Variants in LCK observed in about 807,000 individuals in gnomAD.
LCK encodes the protein tyrosine-protein kinase Lck.
LCK carries 14 observed loss-of-function variants against 64.6 expected under a neutral mutation model. That is an observed-to-expected ratio of 0.22 (90% CI 0.14 to 0.34). The LOEUF (loss-of-function observed/expected upper bound fraction) is 0.34, where lower values mean the gene tolerates loss of function less well. Among genes scored for constraint, LCK ranks in the 10% least tolerant of loss-of-function variants. LCK has a pLI of 1.00. For synonymous variants in LCK, 277 were observed against 263.6 expected, an observed-to-expected ratio of 1.05 and a Z score of -0.49; for missense variants, 434 against 668.1, an observed-to-expected ratio of 0.65 and a Z score of 3.86.
At chr1:32,281,654 A>G (rs1640463615) in intron 12 of LCK, among the ~76,000 whole-genome samples, 1 of 152,062 alleles carries the variant, frequency 6.6e-6, no homozygotes, top group Non-Finnish European at 1.5e-5. Flanking sequence ...CTCTGGGGAA[A>G]GGAAATGGAG....
Position 32,276,654 on chromosome 1 carries a change from G to A in LCK, c.832G>A (p.Gly278Ser). ...GGTGGCGGTGAAGAGCCTGAAGCAG[G>A]GCAGCATGTCCCCGGACGCCTTCCT... ...TKVAVKSLKQGSMSPDAFLAE... is the reference protein window; with the variant it reads ...TKVAVKSLKQSSMSPDAFLAE... The change falls in exon 9 of 13, where the codon GGC becomes AGC. Residue 278 changes from glycine (G) to serine (S), a missense_variant. Physicochemically the swap from Gly to Ser is moderately conservative, Grantham distance 56. This residue lies in a region of LCK where 201 missense variants were observed against 376.9 expected (regional missense o/e 0.53). Coordinates refer to ENST00000336890, the MANE Select transcript of LCK (RefSeq NM_005356.5). This position sits in a 1 kb window ranked among gnomAD's most constrained non-coding sequence, Gnocchi z 4.6. 1.2e-6 allele frequency: 2 copies of A among 1,613,992 alleles called. No individual in the cohort carries two copies. The highest frequency in any genetic ancestry group is 4.5e-5 in the East Asian group (2 of 44,878).
At chr1:32,280,263 C>CA in intron 12 of LCK, 53 bp downstream of exon 12, 3 of 1,603,556 alleles carry the variant, frequency 1.9e-6, no homozygotes, top group Non-Finnish European at 2.6e-6. Context: ...AAGTCCATGT[C>CA]TTCCCATTCA....
intron 1 of LCK, among the ~76,000 whole-genome samples, chr1:32,254,748 G>A (rs977156258): frequency 2.6e-5 from 4 of 152,134 alleles, no homozygotes; most frequent in African/African-American, 9.7e-5. Context: ...CCGATCTCAG[G>A]TGATCCGCCT....
At position 32,251,552 on chromosome 1, in the gene LCK, G is replaced by A. The variant is rs80327729; in HGVS notation, c.-6+181G>A. ...TGTAGCTGGGTCGCCTCTTTCCTGC[G>A]AAGCTGGTGTCGCTTGCCTCTGTCG... On this transcript the variant is annotated intron_variant, in intron 1 of 12. Coordinates refer to ENST00000336890, the MANE Select transcript of LCK (RefSeq NM_005356.5). This position sits in a 1 kb window ranked among gnomAD's most constrained non-coding sequence, Gnocchi z 4.0. 1.8e-3 allele frequency among the ~76,000 whole-genome samples: 268 copies of A among 152,272 alleles called. No homozygotes were observed. The highest frequency in any genetic ancestry group is 6.2e-3 in the African/African-American group (258 of 41,538).
At chr1:32,278,486 G>A (rs1014497490) in intron 9 of LCK, among the ~76,000 whole-genome samples, 1 of 152,016 alleles carries the variant, frequency 6.6e-6, no homozygotes, top group Non-Finnish European at 1.5e-5. Flanking sequence ...CTACAAGCAT[G>A]TGCCACCATG....
rs72668517 is a variant in LCK at position 32,261,072 on chromosome 1, A to C, written c.-6+9701A>C. Among the ~76,000 whole-genome samples, 1,069 of 151,696 alleles carry C rather than the reference A, an allele frequency of 7.0e-3. 7 individuals carry two copies. Among genetic ancestry groups the C allele is most frequent in the Non-Finnish European group, 0.011 (755 of 67,914 alleles). On this transcript the variant is annotated intron_variant, in intron 1 of 12. Transcript: ENST00000336890. ...AAATTTTTTTTAATTTAATTTAATT[A>C]ATTTTTTCTTTTTTTGAGACAGGGT...
chr1:32,277,600 G>A (rs1467455743), intron 9 of LCK, among the ~76,000 whole-genome samples: 12 of 152,172 alleles, frequency 7.9e-5, no homozygotes, highest in African/African-American at 2.9e-4. Context: ...TGTTCACACC[G>A]ATTTGCCGTG....
At position 32,276,273 on chromosome 1, in the gene LCK, G is replaced by A; in HGVS notation, c.632-64G>A. On this transcript the variant is annotated intron_variant, in intron 7 of 12. Coordinates refer to ENST00000336890, the MANE Select transcript of LCK (RefSeq NM_005356.5). This position sits in a 1 kb window ranked among gnomAD's most constrained non-coding sequence, Gnocchi z 4.6. ...CCTAGATGGGGGCTTGGAGAAGTGG[G>A]GGAGGTGGTGTCAATACGAGGCCTG... is the stretch of plus-strand genomic sequence containing the variant. 2 of 1,515,880 alleles carry A rather than the reference G, an allele frequency of 1.3e-6. No individual in the cohort carries two copies. Among genetic ancestry groups the A allele is most frequent in the Non-Finnish European group, 1.8e-6 (2 of 1,136,164 alleles). The allele number at this position is 1,515,880 out of a possible 1,614,324, so 93.9% of individuals were successfully genotyped here.
intron 12 of LCK, among the ~76,000 whole-genome samples, chr1:32,281,258 A>T (rs1569971752): frequency 6.9e-6 from 1 of 144,498 alleles, no homozygotes; most frequent in Non-Finnish European, 1.5e-5. Flanking sequence ...AAAAAGAGAG[A>T]CTCCATCTCT....
intron 12 of LCK, among the ~76,000 whole-genome samples, chr1:32,284,835 G>A (rs1483496203): frequency 6.6e-6 from 1 of 152,190 alleles, no homozygotes; most frequent in Non-Finnish European, 1.5e-5. Flanking sequence ...TTTACACCAG[G>A]GAAGCAGGTT....
chr1:32,271,301 C>T (rs1267698564), intron 1 of LCK, among the ~76,000 whole-genome samples: 1 of 152,150 alleles, frequency 6.6e-6, no homozygotes, highest in Non-Finnish European at 1.5e-5. Context: ...CCACGCCCGG[C>T]CAGCAACTCC....
chr1:32,285,827 G>A lies in LCK; in HGVS notation c.*111G>A. 1.8e-6 allele frequency: 2 copies of A among 1,136,410 alleles called. No homozygotes were observed. The highest frequency in any genetic ancestry group is 2.5e-6 in the Non-Finnish European group (2 of 789,434). 70.4% of individuals were successfully genotyped at this position (1,136,410 alleles called of 1,614,324 possible). ...CTATGCACATATGGACTCTGCACAT[G>A]AATCCCACCCACATGTGACACATAT... On this transcript the variant is annotated 3_prime_UTR_variant, in exon 13 of 13. Transcript: ENST00000336890.
In LCK at chr1:32,276,310, G is replaced by A. The variant is rs1569957142; in HGVS notation, c.632-27G>A. On this transcript the variant is annotated intron_variant, in intron 7 of 12. Transcript: ENST00000336890. This position sits in a 1 kb window ranked among gnomAD's most constrained non-coding sequence, Gnocchi z 4.6. ...CAATACGAGGCCTGCCCTATTGACA[G>A]CCTTCACCCCTCCCTCGTCCTCGCA... 1 of 1,537,160 alleles carries A rather than the reference G, an allele frequency of 6.5e-7. No individual in the cohort carries two copies. Among genetic ancestry groups the A allele is most frequent in the Non-Finnish European group, 8.7e-7 (1 of 1,144,990 alleles).
intron 12 of LCK, among the ~76,000 whole-genome samples, 154 bp from the exon 13 acceptor site, chr1:32,285,360 C>T (rs1032866182): frequency 2.0e-5 from 3 of 152,188 alleles, no homozygotes; most frequent in Non-Finnish European, 4.4e-5. Context: ...GACTGATATT[C>T]AACAAGTACC....
intron 1 of LCK, among the ~76,000 whole-genome samples, chr1:32,260,586 G>A (rs1639742573): frequency 6.6e-6 from 1 of 152,106 alleles, no homozygotes; most frequent in Admixed American, 6.6e-5. Flanking sequence ...ATCCCTAAAG[G>A]AAGTATAGTC....
At chr1:32,272,648 AGCGAGAGAGC>A (rs1198729013) in intron 1 of LCK, among the ~76,000 whole-genome samples, 1 of 132,166 alleles carries the variant, frequency 7.6e-6, no homozygotes, top group African/African-American at 4.3e-5. Flanking sequence ...AGAGAGAGAG[AGCGAGAGAGC>A]GCACGCATTT....
At chr1:32,263,280 T>C (rs914057996) in intron 1 of LCK, among the ~76,000 whole-genome samples, 2 of 151,478 alleles carry the variant, frequency 1.3e-5, no homozygotes, top group African/African-American at 4.9e-5. Flanking sequence ...TAATCTCAGC[T>C]ACTTGGGAGG....
Position 32,274,448 on chromosome 1 carries a change from C to G in LCK, c.105+14C>G. ...GGCAAGGGCACGGTAAGAGGCGAGA[C>G]AGGGGCCTTGGTGAGGGAGTTGGGT... is the stretch of plus-strand genomic sequence containing the variant. On this transcript the variant is annotated intron_variant, in intron 2 of 12. Coordinates refer to ENST00000336890, the MANE Select transcript of LCK (RefSeq NM_005356.5). The G allele has an allele frequency of 6.3e-7, 1 of 1,599,022 alleles. No homozygotes were observed. The highest frequency in any genetic ancestry group is 2.2e-5 in the East Asian group (1 of 44,754).
At chr1:32,259,690 G>T (rs1325455167) in intron 1 of LCK, among the ~76,000 whole-genome samples, 1 of 151,854 alleles carries the variant, frequency 6.6e-6, no homozygotes, top group Non-Finnish European at 1.5e-5. Flanking sequence ...CATGCCTGTT[G>T]TCCCAGTTAC....
Sources: gnomAD v4.1 joint callset for allele counts (sites outside exome capture counted in the v4.1 genomes callset) on GRCh38, gnomAD v4.1.1 for gene constraint, gnomAD v4.1.1 regional missense constraint, Gnocchi (gnomAD v3.1) non-coding constraint, MANE v1.5 for transcripts, NCBI Gene and HGNC (gene_info 2026-07-23, HGNC 2026-07-21) for gene names.